The following PLCB4 variants were observed in gnomAD, a reference collection of about 807,000 sequenced individuals.
PLCB4 encodes the protein 1-phosphatidylinositol 4,5-bisphosphate phosphodiesterase beta-4.
Under a neutral mutation model 178.8 loss-of-function variants are expected in PLCB4, and 77 were observed. The observed-to-expected ratio is 0.43, with a 90% confidence interval of 0.36 to 0.52. The LOEUF is 0.52. PLCB4 is among the 20% of genes least tolerant of loss of function. PLCB4 has a pLI of 0.00. For missense variants in PLCB4, 1,024 were observed against 1,453.4 expected, an observed-to-expected ratio of 0.70 and a Z score of 4.80; for synonymous variants, 496 against 490.8, an observed-to-expected ratio of 1.01 and a Z score of -0.14.
intron 2 of PLCB4, among the ~76,000 whole-genome samples, chr20:9,205,956 A>G (rs1203444255): frequency 6.6e-6 from 1 of 152,100 alleles, no homozygotes; most frequent in African/African-American, 2.4e-5. Flanking sequence ...TTTCCTTTCT[A>G]TTGTTGAGTA....
chr20:9,410,689 C>T (rs1602475701), intron 24 of PLCB4, among the ~76,000 whole-genome samples: 1 of 152,152 alleles, frequency 6.6e-6, no homozygotes, highest in South Asian at 2.1e-4. Context: ...CTCCAGGGTT[C>T]CTCTGCCCAG....
At chr20:9,097,220 C>A (rs1394386816) in intron 2 of PLCB4, among the ~76,000 whole-genome samples, 5 of 151,104 alleles carry the variant, frequency 3.3e-5, no homozygotes, top group Non-Finnish European at 5.9e-5. Flanking sequence ...TGGGTGTGAG[C>A]CACAGCCTGG....
chr20:9,291,776 G>T (rs1334341123), intron 3 of PLCB4, among the ~76,000 whole-genome samples: 1 of 152,154 alleles, frequency 6.6e-6, no homozygotes, highest in African/African-American at 2.4e-5. Context: ...GTTACTTTCA[G>T]ATCATGGGGC....
At chr20:9,156,426 A>G (rs908696442) in intron 2 of PLCB4, among the ~76,000 whole-genome samples, 1 of 152,208 alleles carries the variant, frequency 6.6e-6, no homozygotes, top group Non-Finnish European at 1.5e-5. Flanking sequence ...AGAAAGGTTA[A>G]GTAACATGCC....
chr20:9,390,696 G>T, intron 17 of PLCB4, 81 bp downstream of exon 17: 1 of 665,848 alleles, frequency 1.5e-6, no homozygotes, highest in Non-Finnish European at 2.8e-6. Context: ...AGTACTAGAG[G>T]ACTAATGCTA....
intron 2 of PLCB4, among the ~76,000 whole-genome samples, chr20:9,191,425 G>T (rs71334849): frequency 4.3e-5 from 6 of 138,154 alleles, no homozygotes; most frequent in Non-Finnish European, 7.6e-5. Flanking sequence ...TAGAAGCAGA[G>T]ACCAGGTCCT....
intron 7 of PLCB4, among the ~76,000 whole-genome samples, chr20:9,348,305 C>T (rs568108037): frequency 6.6e-6 from 1 of 152,272 alleles, no homozygotes; most frequent in East Asian, 1.9e-4. Flanking sequence ...GAGAAACATT[C>T]AGTGTGGAAT....
Position 9,408,077 on chromosome 20 carries a change from T to A in PLCB4, c.1789+19T>A. The A allele has an allele frequency of 6.3e-7, 1 of 1,588,634 alleles. No individual in the cohort carries two copies. Among genetic ancestry groups the A allele is most frequent in the Non-Finnish European group, 8.5e-7 (1 of 1,170,578 alleles). Reference sequence around the variant, plus strand: ...GCAGAAGGTAACACCAAAGGTTAAATGCAGTCGCCTTTTTTGCTTGATTTT... The same window carrying A: ...GCAGAAGGTAACACCAAAGGTTAAAAGCAGTCGCCTTTTTTGCTTGATTTT... On this transcript the variant is annotated intron_variant, in intron 22 of 39. Transcript: ENST00000378473.
chr20:9,244,948 G>C (rs2147441190), intron 3 of PLCB4, among the ~76,000 whole-genome samples: 1 of 152,260 alleles, frequency 6.6e-6, no homozygotes, highest in South Asian at 2.1e-4. Flanking sequence ...ACTGATCTCA[G>C]CTATGCTCAT....
At chr20:9,460,666 G>A (rs1029091593) in intron 35 of PLCB4, among the ~76,000 whole-genome samples, 9 of 152,128 alleles carry the variant, frequency 5.9e-5, no homozygotes, top group African/African-American at 1.9e-4. Flanking sequence ...AGTGCCTACC[G>A]TATGCCACAG....
chr20:9,368,248 C>T (rs2035945030), intron 9 of PLCB4, among the ~76,000 whole-genome samples: 1 of 152,184 alleles, frequency 6.6e-6, no homozygotes, highest in Admixed American at 6.5e-5. Context: ...GCAGGAATAA[C>T]ACATGAAGAA....
At chr20:9,124,581 T>C (rs942243317) in intron 2 of PLCB4, among the ~76,000 whole-genome samples, 3 of 152,170 alleles carry the variant, frequency 2.0e-5, no homozygotes, top group Non-Finnish European at 4.4e-5. Context: ...ATACCTCTTT[T>C]ATAGAATAGT....
chr20:9,106,930 T>C (rs547361181), intron 2 of PLCB4, among the ~76,000 whole-genome samples: 1 of 152,184 alleles, frequency 6.6e-6, no homozygotes, highest in Non-Finnish European at 1.5e-5. Context: ...TAAATAGTTA[T>C]GGTAGTCAGA....
chr20:9,351,877 C>T (rs2034376637), intron 7 of PLCB4, among the ~76,000 whole-genome samples: 1 of 152,174 alleles, frequency 6.6e-6, no homozygotes, highest in South Asian at 2.1e-4. Flanking sequence ...TCAACAGGTA[C>T]CTGTCAGGAA....
intron 2 of PLCB4, among the ~76,000 whole-genome samples, chr20:9,212,131 G>A (rs946269378): frequency 3.9e-5 from 6 of 152,314 alleles, no homozygotes; most frequent in African/African-American, 1.4e-4. Context: ...CAGAGGCTTG[G>A]AAAGTGCTTG....
At chr20:9,280,499 C>G in intron 3 of PLCB4, 3 of 972,686 alleles carry the variant, frequency 3.1e-6, no homozygotes, top group Non-Finnish European at 3.7e-6. Context: ...GTCCTAATTT[C>G]ACTGGGTTTC....
chr20:9,400,896 C>T (rs985418625), intron 19 of PLCB4, among the ~76,000 whole-genome samples: 1 of 152,194 alleles, frequency 6.6e-6, no homozygotes, highest in Non-Finnish European at 1.5e-5. Context: ...ACTTCCACTT[C>T]TCCTCCTACC....
chr20:9,218,809 C>T (rs946915354), intron 3 of PLCB4, among the ~76,000 whole-genome samples: 20 of 152,174 alleles, frequency 1.3e-4, no homozygotes, highest in Admixed American at 2.6e-4. Context: ...TTTTACTACT[C>T]CCCAAGGATG....
chr20:9,176,922 T>C (rs1163734910), intron 2 of PLCB4, among the ~76,000 whole-genome samples: 1 of 152,160 alleles, frequency 6.6e-6, no homozygotes, highest in Non-Finnish European at 1.5e-5. Flanking sequence ...TATTGTATCA[T>C]GCAAAGTTTA....
Sources: gnomAD v4.1 joint callset for allele counts (sites outside exome capture counted in the v4.1 genomes callset) on GRCh38, gnomAD v4.1.1 for gene constraint, MANE v1.5 for transcripts, NCBI Gene and HGNC (gene_info 2026-07-23, HGNC 2026-07-21) for gene names.